The following CSMD1 variants were observed in gnomAD, a reference collection of about 807,000 sequenced individuals.
CSMD1 encodes the protein CUB and Sushi multiple domains 1.
A neutral mutation model predicts 417.5 loss-of-function variants in CSMD1; 213 were observed. The ratio of observed to expected loss-of-function variants is 0.51; its 90% CI spans 0.46 to 0.57. The LOEUF is 0.57. Among genes scored for constraint, CSMD1 ranks in the 20% least tolerant of loss-of-function variants. The pLI is 0.00. For missense variants in CSMD1, 6,923 were observed against 4,529.7 expected (o/e 1.53, Z -15.17); for synonymous variants, 2,862 against 1,736.8 (o/e 1.65, Z -16.11).
chr8:4,051,386 G>A (rs1798416946), intron 3 of CSMD1, among the ~76,000 whole-genome samples: 1 of 151,924 alleles, frequency 6.6e-6, no homozygotes, highest in African/African-American at 2.4e-5. Flanking sequence ...CCGGAGGGCT[G>A]ATCCAACCCA....
chr8:3,580,512 C>G (rs966287495), intron 9 of CSMD1, among the ~76,000 whole-genome samples: 8 of 152,128 alleles, frequency 5.3e-5, no homozygotes, highest in Non-Finnish European at 1.2e-4. Flanking sequence ...CTTTCAGGTT[C>G]TTTGATGTCA....
chr8:4,850,478 T>A (rs562723477), intron 1 of CSMD1, among the ~76,000 whole-genome samples: 1 of 148,944 alleles, frequency 6.7e-6, no homozygotes, highest in South Asian at 2.2e-4. Flanking sequence ...CTCCCTTCAG[T>A]CACATGACAA....
intron 5 of CSMD1, among the ~76,000 whole-genome samples, chr8:3,839,100 CCTAT>C (rs1330483902): frequency 9.6e-6 from 1 of 104,184 alleles, no homozygotes; most frequent in Non-Finnish European, 1.9e-5. Flanking sequence ...TATAATATAG[CCTAT>C]ATATATAGTC....
chr8:3,965,439 G>A (rs574238601), intron 5 of CSMD1, among the ~76,000 whole-genome samples: 6 of 152,146 alleles, frequency 3.9e-5, no homozygotes, highest in Non-Finnish European at 8.8e-5. Flanking sequence ...AAAAAGGGTA[G>A]AATGTTTATG....
intron 26 of CSMD1, among the ~76,000 whole-genome samples, chr8:3,239,695 A>T (rs368886448): frequency 5.3e-5 from 8 of 152,224 alleles, no homozygotes; most frequent in South Asian, 2.1e-4. Flanking sequence ...GCTAGTGGCT[A>T]GTACTATAGC....
intron 4 of CSMD1, among the ~76,000 whole-genome samples, chr8:4,023,106 G>C (rs1167148863): frequency 6.6e-6 from 1 of 152,168 alleles, no homozygotes; most frequent in Non-Finnish European, 1.5e-5. Context: ...AGCTAATGCA[G>C]TGGATGTACA....
chr8:3,612,819 G>C (rs1324484669), intron 8 of CSMD1, among the ~76,000 whole-genome samples: 2 of 151,970 alleles, frequency 1.3e-5, no homozygotes, highest in East Asian at 1.9e-4. Context: ...CCCACATTTA[G>C]AAAGAATAAA....
intron 3 of CSMD1, among the ~76,000 whole-genome samples, chr8:4,113,979 G>C (rs1422756198): frequency 6.6e-6 from 1 of 152,174 alleles, no homozygotes; most frequent in East Asian, 1.9e-4. Context: ...TCCAGGTGAA[G>C]CAGCAAATGT....
At chr8:2,994,616 A>ATT (rs1316567817) in intron 54 of CSMD1, among the ~76,000 whole-genome samples, 1 of 152,262 alleles carries the variant, frequency 6.6e-6, no homozygotes, top group African/African-American at 2.4e-5. Context: ...AAATGTAGAA[A>ATT]TTAAAGCCAT....
At chr8:4,217,440 C>T (rs957251747) in intron 3 of CSMD1, among the ~76,000 whole-genome samples, 2 of 151,974 alleles carry the variant, frequency 1.3e-5, no homozygotes, top group Non-Finnish European at 2.9e-5. Flanking sequence ...ATATAAGACA[C>T]GTTATACCAT....
chr8:3,874,929 T>A (rs573082185), intron 5 of CSMD1, among the ~76,000 whole-genome samples: 1 of 152,216 alleles, frequency 6.6e-6, no homozygotes, highest in East Asian at 1.9e-4. Context: ...GGGGAAGACC[T>A]TGGGGCCTGA....
At chr8:3,880,783 G>T (rs375489873) in intron 5 of CSMD1, among the ~76,000 whole-genome samples, 7 of 152,086 alleles carry the variant, frequency 4.6e-5, no homozygotes, top group African/African-American at 1.7e-4. Context: ...GAAAAACAAT[G>T]TATTTTCTTT....
rs187806506 is a variant in CSMD1, at chr8:3,114,375, G to T, written c.6430+4024C>A. ...TTTTTGCCTAAACAAGAATATGAAA[G>T]AAATTCCATATTAAAAAGCTAATAA... On this transcript the variant is annotated intron_variant, in intron 42 of 69. Transcript: ENST00000635120. Among the ~76,000 whole-genome samples, 287 of 151,052 alleles carry T rather than the reference G, an allele frequency of 1.9e-3. 1 individual carries two copies. Among genetic ancestry groups the T allele is most frequent in the Non-Finnish European group, 2.3e-3 (153 of 67,796 alleles).
At chr8:4,524,811 T>C (rs749523415) in intron 2 of CSMD1, among the ~76,000 whole-genome samples, 5 of 152,110 alleles carry the variant, frequency 3.3e-5, no homozygotes, top group Non-Finnish European at 7.4e-5. Flanking sequence ...TGAGTCAAAA[T>C]TGTGCATTTT....
intron 5 of CSMD1, among the ~76,000 whole-genome samples, chr8:3,956,230 GTGT>G (rs138311525): frequency 0.014 from 2,185 of 152,326 alleles, 43 homozygotes; most frequent in African/African-American, 0.049. Flanking sequence ...GTGCCAGGTG[GTGT>G]TGTTAACTTT....
chr8:4,724,430 A>G (rs1474997729), intron 1 of CSMD1, among the ~76,000 whole-genome samples: 1 of 152,038 alleles, frequency 6.6e-6, no homozygotes, highest in Non-Finnish European at 1.5e-5. Flanking sequence ...AAATATACAA[A>G]TAACAGATTC....
chr8:4,081,067 A>G (rs899518002), intron 3 of CSMD1, among the ~76,000 whole-genome samples: 1 of 152,148 alleles, frequency 6.6e-6, no homozygotes, highest in Non-Finnish European at 1.5e-5. Context: ...TGGGTAATTC[A>G]GTAAGAATGC....
At chr8:4,722,129 T>C (rs1023394787) in intron 1 of CSMD1, among the ~76,000 whole-genome samples, 7 of 152,246 alleles carry the variant, frequency 4.6e-5, no homozygotes, top group African/African-American at 7.2e-5. Flanking sequence ...TTATGTTGTA[T>C]ACTGGAAATT....
At chr8:3,727,663 C>T (rs1802572443) in intron 6 of CSMD1, among the ~76,000 whole-genome samples, 1 of 152,150 alleles carries the variant, frequency 6.6e-6, no homozygotes, top group Non-Finnish European at 1.5e-5. Flanking sequence ...GATGTTTTTA[C>T]ACTCAAGTTT....
Sources: allele counts gnomAD v4.1 joint callset (sites outside exome capture counted in the v4.1 genomes callset), GRCh38; gene constraint gnomAD v4.1.1; transcripts MANE v1.5; gene names NCBI Gene and HGNC (gene_info 2026-07-23, HGNC 2026-07-21).